LYPD6B: variants seen among roughly 807,000 people sequenced by gnomAD.
The protein encoded by LYPD6B is ly6/PLAUR domain-containing protein 6B.
Under a neutral mutation model 22.8 loss-of-function variants are expected in LYPD6B, and 17 were observed. The observed-to-expected ratio is 0.75, with a 90% CI of 0.51 to 1.12. The LOEUF is 1.12. Among genes scored for constraint, LYPD6B ranks in the 50% most tolerant of loss-of-function variants. The pLI is 0.00. For missense variants in LYPD6B, 221 were observed against 258.3 expected (o/e 0.86, Z 0.99); for synonymous variants, 106 against 91.6 (o/e 1.16, Z -0.90).
chr2:149,171,532 T>G (rs1690821661), intron 3 of LYPD6B, among the ~76,000 whole-genome samples: 1 of 151,904 alleles, frequency 6.6e-6, no homozygotes, highest in African/African-American at 2.4e-5. Flanking sequence ...AGTCTGATTT[T>G]TTTTTTTTGA....
chr2:149,083,144 A>G (rs148480813), intron 1 of LYPD6B, among the ~76,000 whole-genome samples: 113 of 152,306 alleles, frequency 7.4e-4, no homozygotes, highest in Middle Eastern at 3.4e-3. Context: ...AGCAGTTTCT[A>G]AAAAAGGAAA....
intron 1 of LYPD6B, among the ~76,000 whole-genome samples, chr2:149,060,342 T>C (rs1178405155): frequency 1.3e-5 from 2 of 152,174 alleles, no homozygotes; most frequent in African/African-American, 4.8e-5. Flanking sequence ...CTATCTGTCT[T>C]GTAGGGTTGT....
At chr2:149,099,472 C>T (rs920484739) in intron 1 of LYPD6B, among the ~76,000 whole-genome samples, 2 of 152,008 alleles carry the variant, frequency 1.3e-5, no homozygotes, top group Non-Finnish European at 2.9e-5. Flanking sequence ...ATCCTTGGTC[C>T]CCTCATGGTA....
At chr2:149,092,622 A>G (rs531524493) in intron 1 of LYPD6B, among the ~76,000 whole-genome samples, 125 of 152,214 alleles carry the variant, frequency 8.2e-4, no homozygotes, top group Admixed American at 1.0e-3. Context: ...ATGTGACTAA[A>G]TTCTGTCTAA....
chr2:149,135,793 A>G (rs1437676062), intron 2 of LYPD6B, among the ~76,000 whole-genome samples: 2 of 150,184 alleles, frequency 1.3e-5, no homozygotes, highest in Admixed American at 1.3e-4. Context: ...AAATATTTTT[A>G]AAGAAAGAAT....
At chr2:149,180,051 T>C (rs1337985507) in intron 3 of LYPD6B, among the ~76,000 whole-genome samples, 2 of 152,234 alleles carry the variant, frequency 1.3e-5, no homozygotes, top group East Asian at 3.8e-4. Context: ...TGGGTTTGTG[T>C]TTGCCTAACT....
At chr2:149,199,766 A>G (rs1238685492) in intron 3 of LYPD6B, among the ~76,000 whole-genome samples, 1 of 152,204 alleles carries the variant, frequency 6.6e-6, no homozygotes, top group East Asian at 1.9e-4. Context: ...TGTACCAGAA[A>G]TAGAGAACCT....
chr2:149,098,317 C>T (rs1406917956), intron 1 of LYPD6B, among the ~76,000 whole-genome samples: 1 of 151,930 alleles, frequency 6.6e-6, no homozygotes, highest in Non-Finnish European at 1.5e-5. Flanking sequence ...AGGATATGAC[C>T]AAGGAGATTT....
intron 1 of LYPD6B, among the ~76,000 whole-genome samples, chr2:149,044,986 T>C (rs2105260011): frequency 6.6e-6 from 1 of 152,178 alleles, no homozygotes; most frequent in East Asian, 1.9e-4. Flanking sequence ...TGGAGGGGAC[T>C]AGGTAGATTG....
chr2:149,195,164 T>A (rs140151555), intron 3 of LYPD6B, among the ~76,000 whole-genome samples: 23 of 152,356 alleles, frequency 1.5e-4, no homozygotes, highest in African/African-American at 5.3e-4. Flanking sequence ...GAGGTCTGTG[T>A]TCACTTAGAG....
At chr2:149,171,062 C>T (rs1690780065) in intron 3 of LYPD6B, among the ~76,000 whole-genome samples, 1 of 152,154 alleles carries the variant, frequency 6.6e-6, no homozygotes, top group Admixed American at 6.5e-5. Flanking sequence ...AGTTTGACAG[C>T]ATGTCCTGTC....
At chr2:149,166,108 C>T (rs757175740) in intron 3 of LYPD6B, among the ~76,000 whole-genome samples, 3 of 152,152 alleles carry the variant, frequency 2.0e-5, no homozygotes, top group Non-Finnish European at 2.9e-5. Context: ...ATAACGCCCT[C>T]TATAACCTTT....
intron 1 of LYPD6B, among the ~76,000 whole-genome samples, chr2:149,066,806 T>C (rs1038782423): frequency 1.3e-5 from 2 of 152,082 alleles, no homozygotes; most frequent in Admixed American, 1.3e-4. Context: ...CTATTTATTA[T>C]TCCTTGGTTT....
At chr2:149,174,010 G>T (rs539574385) in intron 3 of LYPD6B, among the ~76,000 whole-genome samples, 202 of 152,234 alleles carry the variant, frequency 1.3e-3, no homozygotes, top group African/African-American at 4.5e-3. Flanking sequence ...CAATATTGAT[G>T]CCTCCTTTCC....
chr2:149,180,552 C>T (rs1483240531), intron 3 of LYPD6B, among the ~76,000 whole-genome samples: 2 of 152,206 alleles, frequency 1.3e-5, no homozygotes, highest in Non-Finnish European at 2.9e-5. Flanking sequence ...AAGTGTTGAA[C>T]TATGAATGAG....
At chr2:149,207,944 T>G (rs764599921) in intron 4 of LYPD6B, among the ~76,000 whole-genome samples, 9 of 152,056 alleles carry the variant, frequency 5.9e-5, no homozygotes, top group Admixed American at 1.3e-4. Context: ...TTAATCTGAC[T>G]CCAGTTCTTT....
intron 2 of LYPD6B, among the ~76,000 whole-genome samples, chr2:149,136,474 C>G (rs143367143): frequency 3.9e-5 from 6 of 152,300 alleles, no homozygotes; most frequent in African/African-American, 1.2e-4. Flanking sequence ...CGCCTCATTC[C>G]CAGATGGCAG....
intron 1 of LYPD6B, among the ~76,000 whole-genome samples, chr2:149,096,061 A>G (rs563328564): frequency 6.6e-6 from 1 of 152,274 alleles, no homozygotes; most frequent in South Asian, 2.1e-4. Flanking sequence ...AGAGACACAC[A>G]CAGAGATACA....
chr2:149,070,225 G>C (rs4667325), intron 1 of LYPD6B, among the ~76,000 whole-genome samples: 28,006 of 151,852 alleles, frequency 0.18, 3,013 homozygotes, highest in East Asian at 0.36. Flanking sequence ...GCCACAGGAC[G>C]TTGGCATTTC....
Sources: allele counts gnomAD v4.1 joint callset (sites outside exome capture counted in the v4.1 genomes callset), GRCh38; gene constraint gnomAD v4.1.1; transcripts MANE v1.5; gene names NCBI Gene and HGNC (gene_info 2026-07-23, HGNC 2026-07-21).